PTPRG: variants seen among roughly 807,000 people sequenced by gnomAD.
PTPRG encodes the protein receptor-type tyrosine-protein phosphatase gamma.
A neutral mutation model predicts 165.3 loss-of-function variants in PTPRG; 102 were observed. The observed-to-expected ratio is 0.62, with a 90% CI of 0.53 to 0.73. The LOEUF is 0.73. Ranked by LOEUF, PTPRG falls within the 30% of genes least tolerant of loss-of-function variation. The pLI is 0.00. For missense variants in PTPRG, 1,866 were observed against 1,861.4 expected (o/e 1.00, Z -0.05); for synonymous variants, 675 against 669.5 (o/e 1.01, Z -0.13).
intron 8 of PTPRG, among the ~76,000 whole-genome samples, chr3:62,185,405 G>A (rs1705838719): frequency 6.6e-6 from 1 of 152,188 alleles, no homozygotes; most frequent in Non-Finnish European, 1.5e-5. Context: ...TTTGTTAGGT[G>A]CAGTTTACAA....
chr3:62,215,019 G>T (rs1330453827), intron 12 of PTPRG, among the ~76,000 whole-genome samples: 2 of 152,186 alleles, frequency 1.3e-5, no homozygotes, highest in Admixed American at 6.5e-5. Flanking sequence ...AATGGGAGGG[G>T]CAAAGGCAGA....
Position 62,269,851 on chromosome 3 carries a change from C to G in PTPRG, c.3009+682C>G, listed in dbSNP as rs1002115965. On this transcript the variant is annotated intron_variant, in intron 20 of 29. Coordinates refer to ENST00000474889, the MANE Select transcript of PTPRG (RefSeq NM_002841.4). Reference sequence around the variant, plus strand: ...TGTGGAAGGTATGTTTCAAGACCCCCGGTGGATGCTTGAAACCTCAGGTAG... The same window carrying G: ...TGTGGAAGGTATGTTTCAAGACCCCGGGTGGATGCTTGAAACCTCAGGTAG... Among the ~76,000 whole-genome samples the G allele has an allele frequency of 1.3e-5, 2 of 152,000 alleles. 1 individual carries two copies. Among genetic ancestry groups the G allele is most frequent in the South Asian group, 4.2e-4 (2 of 4,790 alleles).
At chr3:62,120,489 G>A (rs569625558) in intron 5 of PTPRG, among the ~76,000 whole-genome samples, 1 of 74,840 alleles carries the variant, frequency 1.3e-5, no homozygotes, top group Admixed American at 1.3e-4. Context: ...AGTGGCTCAC[G>A]CCTGTAATCC....
chr3:61,643,744 A>G (rs1702125473), intron 1 of PTPRG, among the ~76,000 whole-genome samples: 1 of 150,464 alleles, frequency 6.6e-6, no homozygotes, highest in African/African-American at 2.5e-5. Flanking sequence ...AGCCTGGGTA[A>G]CAGAATGAGA....
intron 2 of PTPRG, among the ~76,000 whole-genome samples, chr3:61,933,035 G>C (rs933356437): frequency 5.9e-5 from 9 of 152,190 alleles, no homozygotes; most frequent in African/African-American, 2.2e-4. Flanking sequence ...TTTGTGGTCA[G>C]ACAAGCAAAA....
At chr3:61,758,789 C>T (rs976454860) in intron 2 of PTPRG, among the ~76,000 whole-genome samples, 6 of 152,036 alleles carry the variant, frequency 3.9e-5, no homozygotes, top group Non-Finnish European at 5.9e-5. Flanking sequence ...TGTGCCTTCT[C>T]TTGGTGGGGT....
intron 8 of PTPRG, among the ~76,000 whole-genome samples, chr3:62,180,632 C>T (rs1705608816): frequency 6.6e-6 from 1 of 152,196 alleles, no homozygotes; most frequent in Admixed American, 6.5e-5. Flanking sequence ...TCCAGCCTTC[C>T]ACCCAGCGTC....
chr3:62,014,824 C>T (rs1177026070), intron 4 of PTPRG, among the ~76,000 whole-genome samples: 1 of 152,184 alleles, frequency 6.6e-6, no homozygotes, highest in Non-Finnish European at 1.5e-5. Flanking sequence ...AGTCAGCACC[C>T]ATCGAAAAAG....
chr3:61,846,276 C>A (rs181112478), intron 2 of PTPRG, among the ~76,000 whole-genome samples: 2 of 152,258 alleles, frequency 1.3e-5, no homozygotes, highest in East Asian at 3.9e-4. Context: ...TTAATTCGTA[C>A]AATAGCAATT....
At position 62,163,604 on chromosome 3, in the gene PTPRG, A is replaced by G. The variant is rs191356250; in HGVS notation, c.841-4367A>G. Reference sequence around the variant, plus strand: ...TTGATAAATATAAGGGGGATAAGGAAGGGAAGGTTGATACAGCATTTTACA... The same window carrying G: ...TTGATAAATATAAGGGGGATAAGGAGGGGAAGGTTGATACAGCATTTTACA... On this transcript the variant is annotated intron_variant, in intron 7 of 29. Coordinates refer to ENST00000474889, the MANE Select transcript of PTPRG (RefSeq NM_002841.4). 3.0e-3 allele frequency among the ~76,000 whole-genome samples: 462 copies of G among 152,344 alleles called. 2 individuals carry two copies. Among genetic ancestry groups the G allele is most frequent in the Non-Finnish European group, 5.0e-3 (338 of 68,024 alleles).
chr3:62,276,971 G>C lies in PTPRG; in HGVS notation c.3560-1G>C, dbSNP rs1236773755. The C allele has an allele frequency of 6.2e-7, 1 of 1,612,684 alleles. No homozygotes were observed. The highest frequency in any genetic ancestry group is 1.1e-5 in the South Asian group (1 of 90,974). On this transcript the variant is annotated splice_acceptor_variant, in intron 24 of 29. Coordinates refer to ENST00000474889, the MANE Select transcript of PTPRG (RefSeq NM_002841.4). LOFTEE classifies it high-confidence loss of function. ...GTGTTTTTGTTTTTTCCATATGATA[G>C]CTGAGCGTGCTCGAGTGGGTCTTGC...
chr3:62,272,532 C>T (rs961024398), intron 21 of PTPRG, among the ~76,000 whole-genome samples: 2 of 152,032 alleles, frequency 1.3e-5, no homozygotes, highest in Admixed American at 6.6e-5. Context: ...GAATAACGTA[C>T]GTCATCTAAG....
chr3:61,972,712 G>A (rs560615022), intron 2 of PTPRG, among the ~76,000 whole-genome samples: 258 of 148,634 alleles, frequency 1.7e-3, no homozygotes, highest in African/African-American at 6.0e-3. Flanking sequence ...GGGTACAGTC[G>A]CAGAATCATG....
chr3:62,191,511 A>G lies in PTPRG; in HGVS notation c.1076A>G (p.Asn359Ser). 1 of 1,614,074 alleles carries G rather than the reference A, an allele frequency of 6.2e-7. No homozygotes were observed. Among genetic ancestry groups the G allele is most frequent in the Middle Eastern group, 1.7e-4 (1 of 6,060 alleles). Residue 359 changes from asparagine (N) to serine (S), a missense_variant, in exon 9 of 30, where the codon AAC (asparagine) becomes AGC (serine). Coordinates refer to ENST00000474889, the MANE Select transcript of PTPRG (RefSeq NM_002841.4). ...PPIHMKVQPL[N>S]QTALQVSWSQ... is the part of the protein sequence containing the mutation. The stretch of plus-strand genomic sequence containing the variant: ...ATCCACATGAAGGTGCAGCCTCTGA[A>G]CCAGACGGCACTGCAGGTGTCCTGG...
Position 61,562,720 on chromosome 3 carries a change from CG to C in PTPRG, c.85+350del, listed in dbSNP as rs1464911279. ...GATCGGGAGAACTCGAGTTGTGGGG[CG>C]GTTGGGGAGACTGAGGCCATGGAAA... is the stretch of plus-strand genomic sequence containing the variant. On this transcript the variant is annotated intron_variant, in intron 1 of 29. Coordinates refer to ENST00000474889, the MANE Select transcript of PTPRG (RefSeq NM_002841.4). 3.3e-5 allele frequency among the ~76,000 whole-genome samples: 5 copies of C among 150,878 alleles called. No individual in the cohort carries two copies. The East Asian group carries it at 7.9e-4, about 24-fold the overall frequency.
intron 4 of PTPRG, among the ~76,000 whole-genome samples, chr3:62,057,799 T>C (rs1700681810): frequency 1.3e-5 from 2 of 152,198 alleles, no homozygotes; most frequent in Non-Finnish European, 2.9e-5. Context: ...CCTAATGTGC[T>C]GTTTAAGACT....
chr3:61,579,363 T>C (rs74468993), intron 1 of PTPRG, among the ~76,000 whole-genome samples: 1,607 of 152,210 alleles, frequency 0.011, 37 homozygotes, highest in African/African-American at 0.036. Context: ...GAACATCTCC[T>C]TCACCAGGGG....
At chr3:61,724,904 A>AT (rs1356492719) in intron 1 of PTPRG, among the ~76,000 whole-genome samples, 4 of 152,010 alleles carry the variant, frequency 2.6e-5, no homozygotes, top group Non-Finnish European at 5.9e-5. Flanking sequence ...GTTTGCAAAT[A>AT]TTTTTTATCA....
At chr3:61,728,223 C>T (rs918020308) in intron 1 of PTPRG, among the ~76,000 whole-genome samples, 10 of 152,164 alleles carry the variant, frequency 6.6e-5, no homozygotes, top group African/African-American at 2.2e-4. Flanking sequence ...TGCACACACC[C>T]GTGCGACCTT....
Sources: allele counts gnomAD v4.1 joint callset (sites outside exome capture counted in the v4.1 genomes callset), GRCh38; gene constraint gnomAD v4.1.1; transcripts MANE v1.5; gene names NCBI Gene and HGNC (gene_info 2026-07-23, HGNC 2026-07-21).